Variants in BBS9 observed in about 807,000 individuals in gnomAD.
BBS9 encodes protein PTHB1.
A neutral mutation model predicts 117.7 loss-of-function variants in BBS9; 89 were observed. The observed-to-expected ratio is 0.76, with a 90% CI of 0.64 to 0.90. The LOEUF (loss-of-function observed/expected upper bound fraction) is 0.90. Ranked by LOEUF, BBS9 falls within the 40% of genes least tolerant of loss-of-function variation. The pLI is 0.00. For missense variants in BBS9, 982 were observed against 1,042.2 expected, an observed-to-expected ratio of 0.94 and a Z score of 0.80; for synonymous variants, 379 against 370.9, an observed-to-expected ratio of 1.02 and a Z score of -0.25.
intron 21 of BBS9, among the ~76,000 whole-genome samples, chr7:33,534,650 T>C (rs1370813098): frequency 6.6e-6 from 1 of 152,136 alleles, no homozygotes; most frequent in African/African-American, 2.4e-5. Context: ...TCAAGAGATG[T>C]GAGCAGGCTT....
chr7:33,583,004 A>T (rs931467075), intron 21 of BBS9, among the ~76,000 whole-genome samples: 3 of 152,094 alleles, frequency 2.0e-5, no homozygotes, highest in Non-Finnish European at 4.4e-5. Context: ...CATTATCTTG[A>T]ATATACCCTC....
intron 1 of BBS9, among the ~76,000 whole-genome samples, chr7:33,138,826 T>C (rs997264661): frequency 6.0e-5 from 9 of 150,990 alleles, no homozygotes; most frequent in African/African-American, 2.2e-4. Flanking sequence ...TGGCCTGAAC[T>C]GATTCTCCTG....
chr7:33,346,873 A>G (rs1477128943), intron 12 of BBS9, among the ~76,000 whole-genome samples: 1 of 152,246 alleles, frequency 6.6e-6, no homozygotes, highest in East Asian at 1.9e-4. Flanking sequence ...CTGAGTTCTC[A>G]TAAGACTTTC....
At chr7:33,462,089 AATT>A (rs2128935602) in intron 19 of BBS9, among the ~76,000 whole-genome samples, 1 of 152,192 alleles carries the variant, frequency 6.6e-6, no homozygotes, top group South Asian at 2.1e-4. Flanking sequence ...ACACTAGGTT[AATT>A]ATTAAATAAT....
chr7:33,361,384 T>C (rs772883850), intron 16 of BBS9, among the ~76,000 whole-genome samples: 4 of 152,224 alleles, frequency 2.6e-5, no homozygotes, highest in Non-Finnish European at 5.9e-5. Flanking sequence ...TATTCCATTG[T>C]TTGGAGGTGT....
intron 19 of BBS9, among the ~76,000 whole-genome samples, chr7:33,488,080 G>A (rs904459285): frequency 1.1e-4 from 16 of 152,182 alleles, no homozygotes; most frequent in African/African-American, 3.9e-4. Flanking sequence ...TTATGGAGAG[G>A]GCTGTCACTC....
intron 5 of BBS9, among the ~76,000 whole-genome samples, chr7:33,210,483 G>T (rs546766057): frequency 6.6e-6 from 1 of 152,262 alleles, no homozygotes; most frequent in Admixed American, 6.5e-5. Flanking sequence ...AAAGTGGGGT[G>T]TTGACATTTC....
chr7:33,567,132 C>A (rs1337662680), intron 21 of BBS9, among the ~76,000 whole-genome samples: 1 of 152,152 alleles, frequency 6.6e-6, no homozygotes, highest in Non-Finnish European at 1.5e-5. Flanking sequence ...CAAGTCCAGA[C>A]TGTTCTCTAT....
Position 33,514,981 on chromosome 7 carries a change from T to C in BBS9, c.2298+9336T>C, listed in dbSNP as rs185249434. The stretch of plus-strand genomic sequence containing the variant: ...CATCTTAAGGCTTTGTAAGGACTAA[T>C]TGAGATAAAGTACATGAAGTTCCAA... On this transcript the variant is annotated intron_variant, in intron 20 of 22. Transcript: ENST00000242067. 2.5e-3 allele frequency among the ~76,000 whole-genome samples: 388 copies of C among 152,294 alleles called. 1 individual carries two copies. Among genetic ancestry groups the C allele is most frequent in the Non-Finnish European group, 4.7e-3 (321 of 68,008 alleles).
intron 19 of BBS9, among the ~76,000 whole-genome samples, chr7:33,391,978 A>C (rs1030756552): frequency 1.3e-5 from 2 of 152,210 alleles, no homozygotes; most frequent in African/African-American, 4.8e-5. Context: ...AGAGTATATG[A>C]ATATCAATTT....
At chr7:33,290,671 T>C (rs1343212763) in intron 9 of BBS9, among the ~76,000 whole-genome samples, 1 of 152,250 alleles carries the variant, frequency 6.6e-6, no homozygotes, top group Non-Finnish European at 1.5e-5. Flanking sequence ...AGCATAGTGA[T>C]ATGATAGAAG....
chr7:33,368,526 T>G (rs1044777934), intron 17 of BBS9, among the ~76,000 whole-genome samples: 4 of 148,280 alleles, frequency 2.7e-5, no homozygotes, highest in African/African-American at 7.5e-5. Flanking sequence ...GGGAATAAAG[T>G]AAGATATTAA....
chr7:33,311,930 C>A (rs1328981184), intron 9 of BBS9, among the ~76,000 whole-genome samples: 1 of 152,006 alleles, frequency 6.6e-6, no homozygotes, highest in Non-Finnish European at 1.5e-5. Flanking sequence ...TTGTAAGAAA[C>A]CTGCTTTCCC....
intron 19 of BBS9, among the ~76,000 whole-genome samples, chr7:33,451,409 G>A (rs1056026377): frequency 1.1e-4 from 17 of 152,044 alleles, no homozygotes; most frequent in African/African-American, 3.4e-4. Context: ...CCTCTTTTAT[G>A]TGTGGTTATC....
At chr7:33,180,939 T>G (rs1798012652) in intron 5 of BBS9, among the ~76,000 whole-genome samples, 1 of 152,096 alleles carries the variant, frequency 6.6e-6, no homozygotes. Flanking sequence ...GTAAGAAACA[T>G]CATAAAGGCG....
chr7:33,335,217 TTTCTC>T (rs1314174341), intron 9 of BBS9, among the ~76,000 whole-genome samples: 1 of 152,076 alleles, frequency 6.6e-6, no homozygotes, highest in East Asian at 1.9e-4. Context: ...AACATCTTCT[TTTCTC>T]TCACAATTTT....
intron 2 of BBS9, among the ~76,000 whole-genome samples, chr7:33,149,405 A>G (rs1792950406): frequency 6.6e-6 from 1 of 152,076 alleles, no homozygotes; most frequent in Non-Finnish European, 1.5e-5. Context: ...AGTTACAGGG[A>G]TCCTGAAATT....
chr7:33,471,223 TG>T (rs1321805793), intron 19 of BBS9, among the ~76,000 whole-genome samples: 2 of 152,164 alleles, frequency 1.3e-5, no homozygotes, highest in African/African-American at 4.8e-5. Context: ...CATAGTGGGA[TG>T]GGGGAAGAAA....
intron 5 of BBS9, among the ~76,000 whole-genome samples, chr7:33,188,888 G>A (rs1270079603): frequency 1.3e-5 from 2 of 151,998 alleles, no homozygotes; most frequent in African/African-American, 4.8e-5. Flanking sequence ...TAGCCAGAGG[G>A]GAACATGTTT....
Sources: gnomAD v4.1 joint callset for allele counts (sites outside exome capture counted in the v4.1 genomes callset) on GRCh38, gnomAD v4.1.1 for gene constraint, MANE v1.5 for transcripts, NCBI Gene and HGNC (gene_info 2026-07-23, HGNC 2026-07-21) for gene names.